CWF19L1: variants seen among roughly 807,000 people sequenced by gnomAD.
CWF19L1 encodes CWF19 like cell cycle control factor 1.
Under a neutral mutation model 69.7 loss-of-function variants are expected in CWF19L1, and 60 were observed. That is an observed-to-expected ratio of 0.86 (90% confidence interval 0.70 to 1.07). The LOEUF is 1.07. Ranked by LOEUF, CWF19L1 falls within the 50% of genes least tolerant of loss-of-function variation. The pLI, the probability that CWF19L1 is intolerant of heterozygous loss-of-function variation, is 0.00. For synonymous variants in CWF19L1, 209 were observed against 222.2 expected (o/e 0.94, Z 0.53); for missense variants, 591 against 638.9 (o/e 0.92, Z 0.81).
In CWF19L1 at chr10:100,232,312, A is replaced by T. The variant is rs917910422; in HGVS notation, c.*915T>A. On this transcript the variant is annotated 3_prime_UTR_variant, in exon 14 of 14. Transcript: ENST00000354105. ...AGACACTTCTCAACCATGGAAAAAC[A>T]TCTGGATTTCATTTGGTAGTTTAAA... is the stretch of plus-strand genomic sequence containing the variant. The T allele has an allele frequency of 1.2e-4, 18 of 152,280 alleles. No homozygotes were observed. The highest frequency in any genetic ancestry group is 4.3e-4 in the African/African-American group (18 of 41,468). The allele number at this position is 152,280 out of a possible 1,614,324, so 9.4% of individuals were successfully genotyped here.
intron 1 of CWF19L1, among the ~76,000 whole-genome samples, chr10:100,263,300 C>G (rs1163831300): frequency 6.6e-6 from 1 of 152,138 alleles, no homozygotes; most frequent in East Asian, 1.9e-4. Context: ...AATTTGATTA[C>G]TCTCTGCCTC....
Position 100,235,754 on chromosome 10 carries a change from G to C in CWF19L1, c.1385C>G (p.Pro462Arg), listed in dbSNP as rs1846414024. The C allele has an allele frequency of 1.2e-6, 2 of 1,609,734 alleles. No individual in the cohort carries two copies. Among genetic ancestry groups the C allele is most frequent in the South Asian group, 2.2e-5 (2 of 91,038 alleles). Residue 462 changes from proline to arginine, a missense_variant, in exon 13 of 14, where the codon CCA becomes CGA. Pro to Arg is a moderately radical substitution (Grantham distance 103). Transcript: ENST00000354105. ...EHSDIKQIAQ[P>R]GAAYFYVELD... is the part of the protein sequence containing the mutation. ...TTCAACATAAAAATATGCTGCTCCT[G>C]GCTGTGCAATCTAAAGTAAACAGAG...
chr10:100,248,281 A>C (rs1178042725), intron 7 of CWF19L1: 1 of 1,352,392 alleles, frequency 7.4e-7, no homozygotes, highest in Non-Finnish European at 1.0e-6. Context: ...AAGTGTTTTG[A>C]GTCCGTTGGC....
intron 1 of CWF19L1, among the ~76,000 whole-genome samples, chr10:100,265,816 C>T (rs11190445): frequency 0.049 from 7,435 of 152,136 alleles, 605 homozygotes; most frequent in African/African-American, 0.17. Flanking sequence ...CCACCACACC[C>T]GGCCAGGTGT....
intron 10 of CWF19L1, among the ~76,000 whole-genome samples, chr10:100,242,169 C>G (rs1345093741): frequency 6.6e-6 from 1 of 152,144 alleles, no homozygotes; most frequent in African/African-American, 2.4e-5. Context: ...AAATCATACT[C>G]AAGACCATCC....
chr10:100,267,147 C>CCA (rs1847624171), intron 1 of CWF19L1, among the ~76,000 whole-genome samples: 145 of 30,766 alleles, frequency 4.7e-3, no homozygotes, highest in Non-Finnish European at 5.8e-3. Flanking sequence ...CTCCTCCTCG[C>CCA]AAAAAAAAAA....
At chr10:100,254,893 T>C (rs1238994135) in intron 5 of CWF19L1, among the ~76,000 whole-genome samples, 1 of 152,142 alleles carries the variant, frequency 6.6e-6, no homozygotes, top group Non-Finnish European at 1.5e-5. Flanking sequence ...AGAGTAATCA[T>C]GGGTTTGTCA....
At chr10:100,250,004 G>C (rs1846969610) in intron 7 of CWF19L1, 1 of 511,128 alleles carries the variant, frequency 2.0e-6, no homozygotes, top group Admixed American at 3.5e-5. Context: ...AAGGAACACT[G>C]TTCATTTGAT....
rs1395052864 is a variant in CWF19L1, at chr10:100,256,437, AT to A, written c.328del (p.Ile110LeufsTer10). 1 of 1,614,246 alleles carries A rather than the reference AT, an allele frequency of 6.2e-7. No individual in the cohort carries two copies. The highest frequency in any genetic ancestry group is 8.5e-7 in the Non-Finnish European group (1 of 1,180,042). Reference protein sequence around the residue: ...GIFTGSSGLQIVYLSGTESLN... With the variant: ...GIFTGSSGLQXVYLSGTESLN... ...GGATTCTGTCCCACTGAGGTACACA[AT>A]CTGCAGCCCCGAGCTTCCAGTGAAG... is the stretch of plus-strand genomic sequence containing the variant. On this transcript the variant is annotated frameshift_variant, in exon 5 of 14. Transcript: ENST00000354105. LOFTEE classifies it high-confidence loss of function.
At chr10:100,242,660 C>T (rs191870431) in intron 10 of CWF19L1, among the ~76,000 whole-genome samples, 130 of 139,884 alleles carry the variant, frequency 9.3e-4, no homozygotes, top group Non-Finnish European at 1.4e-3. Flanking sequence ...GGCAACAGAG[C>T]GAGACTCCAT....
At position 100,263,174 on chromosome 10, in the gene CWF19L1, T is replaced by C. The variant is rs1445415232; in HGVS notation, c.24-1111A>G. Among the ~76,000 whole-genome samples the C allele has an allele frequency of 2.0e-5, 3 of 152,226 alleles. No homozygotes were observed. The East Asian group carries it at 5.8e-4, about 29-fold the overall frequency. On this transcript the variant is annotated intron_variant, in intron 1 of 13. Coordinates refer to ENST00000354105, the MANE Select transcript of CWF19L1 (RefSeq NM_018294.6). ...ATCCTACAGAAAGTAGTCAGTTTAA[T>C]GTTCTTTCCTCAAAACATTAAGAGG...
At chr10:100,257,697 A>T (rs1336628652) in intron 4 of CWF19L1, among the ~76,000 whole-genome samples, 1 of 152,088 alleles carries the variant, frequency 6.6e-6, no homozygotes. Context: ...AAACTATGTT[A>T]TCTTCAGTAG....
chr10:100,233,288 T>A lies in CWF19L1; in HGVS notation c.1556A>T (p.Glu519Val). The part of the protein sequence containing the change: ...RQCQISKEDE[E>V]TLARRFRKDF... ...TTTCCGGAAGCGGCGAGCCAGGGTC[T>A]CCTCGTCTTCCTTGCTGATCTGACA... The change falls in exon 14 of 14, where the codon GAG (glutamate) becomes GTG (valine). Residue 519 changes from glutamate (E) to valine (V), a missense_variant. Glu to Val is a moderately radical substitution (Grantham distance 121). This residue lies in a region of CWF19L1 where 458 missense variants were observed against 489.3 expected (regional missense o/e 0.94). Transcript: ENST00000354105. 6.2e-7 allele frequency: 1 copy of A among 1,613,884 alleles called. No homozygotes were observed. The highest frequency in any genetic ancestry group is 1.1e-5 in the South Asian group (1 of 91,056).
At position 100,233,329 on chromosome 10, in the gene CWF19L1, C is replaced by T. The variant is rs764095490; in HGVS notation, c.1515G>A (p.Lys505=). The part of the protein sequence containing the change: ...ASEAILNVPD[K]SDWRQCQISK... Reference sequence around the variant, plus strand: ...TGATCTGACACTGCCTCCAGTCAGACTTATCAGGAACATTAAGGATGGCTT... The same window carrying T: ...TGATCTGACACTGCCTCCAGTCAGATTTATCAGGAACATTAAGGATGGCTT... The change falls in exon 14 of 14, where the codon AAG becomes AAA. Residue 505 remains lysine (K), a synonymous_variant. Transcript: ENST00000354105. 1.9e-6 allele frequency: 3 copies of T among 1,613,858 alleles called. No homozygotes were observed. In the South Asian group the frequency reaches 3.3e-5, roughly 18 times the overall value.
intron 1 of CWF19L1, among the ~76,000 whole-genome samples, chr10:100,265,251 G>A (rs532536533): frequency 2.6e-5 from 4 of 152,052 alleles, no homozygotes; most frequent in Admixed American, 6.5e-5. Context: ...GTTATAACAA[G>A]AGTCAAAAAG....
rs186459280 is a variant in CWF19L1, at chr10:100,239,395, C to G, written c.1045-1164G>C. Reference sequence around the variant, plus strand: ...TTGGCTCATGACTGTAATCCCAGCACTTTGGGAGGCCAAGGCAAATGGATC... The same window carrying G: ...TTGGCTCATGACTGTAATCCCAGCAGTTTGGGAGGCCAAGGCAAATGGATC... On this transcript the variant is annotated intron_variant, in intron 10 of 13. Transcript: ENST00000354105. Among the ~76,000 whole-genome samples, 392 of 152,338 alleles carry G rather than the reference C, an allele frequency of 2.6e-3. 1 individual carries two copies. The highest frequency in any genetic ancestry group is 7.6e-3 in the Admixed American group (117 of 15,304).
rs1354010509 is a variant in CWF19L1 at position 100,262,082 on chromosome 10, AC to A, written c.24-20del. On this transcript the variant is annotated intron_variant, in intron 1 of 13. Transcript: ENST00000354105. ...AGCCAAGCTGCAAACAAAGAGATAA[AC>A]ATTATAGCAATTCAGGAAACAAATG... The A allele has an allele frequency of 6.3e-7, 1 of 1,599,320 alleles. No individual in the cohort carries two copies. The highest frequency in any genetic ancestry group is 1.4e-5 in the African/African-American group (1 of 73,838).
At chr10:100,267,378 C>G (rs887423149) in intron 1 of CWF19L1, 193 bp downstream of exon 1, 1 of 974,932 alleles carries the variant, frequency 1.0e-6, no homozygotes, top group Non-Finnish European at 1.2e-6. Context: ...GAGAAACCCC[C>G]TCAGAAGCGA....
chr10:100,242,541 G>A (rs1452160831), intron 10 of CWF19L1, among the ~76,000 whole-genome samples: 1 of 152,120 alleles, frequency 6.6e-6, no homozygotes, highest in Non-Finnish European at 1.5e-5. Flanking sequence ...AGATGTGATG[G>A]CAGGTGCCTG....
Sources: gnomAD v4.1 joint callset for allele counts (sites outside exome capture counted in the v4.1 genomes callset) on GRCh38, gnomAD v4.1.1 for gene constraint, gnomAD v4.1.1 regional missense constraint, MANE v1.5 for transcripts, NCBI Gene and HGNC (gene_info 2026-07-23, HGNC 2026-07-21) for gene names.